Variants in FNDC3B observed in about 807,000 individuals in gnomAD.
FNDC3B encodes the protein fibronectin type III domain-containing protein 3B.
A neutral mutation model predicts 151.5 loss-of-function variants in FNDC3B; 12 were observed. That is an observed-to-expected ratio of 0.08 (90% CI 0.05 to 0.13). The LOEUF (loss-of-function observed/expected upper bound fraction) is 0.13, where lower values mean the gene tolerates loss of function less well. Ranked by LOEUF, FNDC3B falls within the 10% of genes least tolerant of loss-of-function variation. The pLI is 1.00. For synonymous variants in FNDC3B, 528 were observed against 549.0 expected (o/e 0.96, Z 0.54); for missense variants, 1,214 against 1,505.3 (o/e 0.81, Z 3.20).
At chr3:172,117,257 T>C (rs1191618041) in intron 2 of FNDC3B, among the ~76,000 whole-genome samples, 1 of 152,218 alleles carries the variant, frequency 6.6e-6, no homozygotes, top group Non-Finnish European at 1.5e-5. Flanking sequence ...TGTATACTAT[T>C]GTTGAGTTAT....
intron 1 of FNDC3B, among the ~76,000 whole-genome samples, chr3:172,062,760 A>G (rs948964024): frequency 1.3e-5 from 2 of 151,886 alleles, no homozygotes; most frequent in African/African-American, 4.8e-5. Context: ...CTATCCATCC[A>G]TCCACCCATC....
At chr3:172,136,413 G>A (rs1474390578) in intron 3 of FNDC3B, among the ~76,000 whole-genome samples, 2 of 152,116 alleles carry the variant, frequency 1.3e-5, no homozygotes, top group African/African-American at 4.8e-5. Context: ...AATTATTTCT[G>A]CCCCAAATCA....
chr3:172,167,229 T>C (rs4894816), intron 3 of FNDC3B, among the ~76,000 whole-genome samples: 121,888 of 152,184 alleles, frequency 0.8, 49,118 homozygotes, highest in Non-Finnish European at 0.83. Flanking sequence ...AACCCCATCT[T>C]TATTAAAAAT....
chr3:172,160,313 G>A (rs9839226), intron 3 of FNDC3B, among the ~76,000 whole-genome samples: 51,903 of 152,070 alleles, frequency 0.34, 9,780 homozygotes, highest in Middle Eastern at 0.44. Context: ...TTACAGGGGC[G>A]GAGCTGCCTC....
chr3:172,095,869 G>T (rs1052908368), intron 1 of FNDC3B, among the ~76,000 whole-genome samples: 1 of 151,916 alleles, frequency 6.6e-6, no homozygotes, highest in Non-Finnish European at 1.5e-5. Context: ...TTGTTAACCT[G>T]TTATTTCCCC....
At position 172,330,535 on chromosome 3, in the gene FNDC3B, C is replaced by T; in HGVS notation, c.1380-6C>T. ...TAACTGTGTGCCTCACTTTCTTTCTCTACAGTGGTTATAGCCAAGAGGTGG... is the reference window on the plus strand; with the variant it reads ...TAACTGTGTGCCTCACTTTCTTTCTTTACAGTGGTTATAGCCAAGAGGTGG... On this transcript the variant is annotated splice_region_variant and splice_polypyrimidine_tract_variant and intron_variant, in intron 12 of 25. Transcript: ENST00000415807. The T allele has an allele frequency of 6.2e-7, 1 of 1,608,566 alleles. No individual in the cohort carries two copies. Among genetic ancestry groups the T allele is most frequent in the Non-Finnish European group, 8.5e-7 (1 of 1,176,604 alleles).
chr3:172,232,083 G>A (rs2108749187), intron 4 of FNDC3B, among the ~76,000 whole-genome samples: 1 of 151,990 alleles, frequency 6.6e-6, no homozygotes, highest in South Asian at 2.1e-4. Flanking sequence ...GTTTCATAAT[G>A]TTGGTCAGGC....
chr3:172,267,900 C>T (rs1458420725), intron 6 of FNDC3B, among the ~76,000 whole-genome samples: 2 of 152,178 alleles, frequency 1.3e-5, no homozygotes, highest in African/African-American at 2.4e-5. Context: ...TGTCTTTTCT[C>T]TGATGGCTGT....
chr3:172,322,985 G>C (rs1375877882), intron 11 of FNDC3B, among the ~76,000 whole-genome samples: 1 of 152,134 alleles, frequency 6.6e-6, no homozygotes, highest in East Asian at 1.9e-4. Context: ...CGTGTATTCT[G>C]TTCCCTCAGG....
intron 1 of FNDC3B, among the ~76,000 whole-genome samples, chr3:172,062,078 T>G (rs1057485052): frequency 1.3e-5 from 2 of 152,232 alleles, no homozygotes; most frequent in Non-Finnish European, 2.9e-5. Context: ...GTTTCACTTC[T>G]TCCTTAATAG....
In FNDC3B at chr3:172,119,021, T is replaced by A. The variant is rs576768860; in HGVS notation, c.111+6431T>A. ...GTCTCTACTAAAAATACAAAAAAAA[T>A]TAGCCAGGCGTGGTGGTGGGCGCCT... On this transcript the variant is annotated intron_variant, in intron 2 of 25. Coordinates refer to ENST00000415807, the MANE Select transcript of FNDC3B (RefSeq NM_022763.4). Among the ~76,000 whole-genome samples, 195 of 151,518 alleles carry A rather than the reference T, an allele frequency of 1.3e-3. 1 individual carries two copies. The highest frequency in any genetic ancestry group is 4.6e-3 in the African/African-American group (190 of 41,272).
chr3:172,383,920 C>T (rs1735577380), intron 25 of FNDC3B, among the ~76,000 whole-genome samples: 1 of 152,050 alleles, frequency 6.6e-6, no homozygotes, highest in South Asian at 2.1e-4. Flanking sequence ...GTGCATTCTT[C>T]GTCAGCACTT....
At chr3:172,329,831 G>A (rs181777482) in intron 12 of FNDC3B, 2 of 152,294 alleles carry the variant, frequency 1.3e-5, no homozygotes, top group East Asian at 3.9e-4. Context: ...AGAGTTCACT[G>A]GTTGAAAAAA....
chr3:172,378,166 C>CGTTT (rs1172521412), intron 23 of FNDC3B, 104 bp from the exon 24 acceptor site: 4 of 849,478 alleles, frequency 4.7e-6, no homozygotes, highest in Non-Finnish European at 7.2e-6. Context: ...GTATGGAAAG[C>CGTTT]GTTTACCAGG....
chr3:172,192,253 ACC>A (rs775289889), intron 3 of FNDC3B, among the ~76,000 whole-genome samples: 11 of 149,140 alleles, frequency 7.4e-5, no homozygotes, highest in Admixed American at 1.3e-4. Context: ...GCTCACTGCA[ACC>A]TCCGCCTCCC....
At chr3:172,123,904 ATCTG>A (rs1159151270) in intron 2 of FNDC3B, among the ~76,000 whole-genome samples, 1 of 152,206 alleles carries the variant, frequency 6.6e-6, no homozygotes, top group Non-Finnish European at 1.5e-5. Flanking sequence ...TATGAATAAT[ATCTG>A]TCTGTTTTCA....
At chr3:172,060,881 A>G (rs963525213) in intron 1 of FNDC3B, among the ~76,000 whole-genome samples, 1 of 152,252 alleles carries the variant, frequency 6.6e-6, no homozygotes, top group African/African-American at 2.4e-5. Flanking sequence ...TTGGAGGCAT[A>G]TGGAACTTTC....
At chr3:172,338,927 C>CG (rs1560087565) in intron 16 of FNDC3B, among the ~76,000 whole-genome samples, 1 of 151,790 alleles carries the variant, frequency 6.6e-6, no homozygotes, top group African/African-American at 2.4e-5. Context: ...TTAGTAGAGA[C>CG]GGGGTTTCAC....
rs1465777744 is a variant in FNDC3B at position 172,353,003 on chromosome 3, T to C, written c.2715T>C (p.Ile905=). 7 of 1,614,196 alleles carry C rather than the reference T, an allele frequency of 4.3e-6. No homozygotes were observed. The highest frequency in any genetic ancestry group is 2.2e-5 in the East Asian group (1 of 44,886). ...GATCTGAAATCCTTGCTTACACCAT[T>C]GATCTAGGAGACACTAGCATTACCG... ...NNGSEILAYT[I]DLGDTSITVG... is the part of the protein sequence containing the mutation. Residue 905 remains isoleucine (I), a synonymous_variant, in exon 22 of 26, where the codon ATT becomes ATC. Transcript: ENST00000415807.
Sources: allele counts gnomAD v4.1 joint callset (sites outside exome capture counted in the v4.1 genomes callset), GRCh38; gene constraint gnomAD v4.1.1; transcripts MANE v1.5; gene names NCBI Gene and HGNC (gene_info 2026-07-23, HGNC 2026-07-21).